The following URI1 variants were observed in gnomAD, a reference collection of about 807,000 sequenced individuals.
URI1 encodes URI1 prefoldin like chaperone.
A neutral mutation model predicts 60.2 loss-of-function variants in URI1; 39 were observed. The observed-to-expected ratio is 0.65, with a 90% CI of 0.50 to 0.85. The LOEUF is 0.85. URI1 is among the 40% of genes least tolerant of loss of function. The pLI, the probability that URI1 is intolerant of heterozygous loss-of-function variation, is 0.00. For synonymous variants in URI1, 251 were observed against 236.8 expected (o/e 1.06, Z -0.55); for missense variants, 691 against 665.9 (o/e 1.04, Z -0.42).
chr19:30,005,316 G>A lies in URI1; in HGVS notation c.368-45G>A, dbSNP rs764810012. ...TACAGTTAAAATATTCCTACAGGTC[G>A]TATATATGCCATGCTTTACATAATG... On this transcript the variant is annotated intron_variant, in intron 4 of 10. Transcript: ENST00000392271. 7.2e-6 allele frequency: 8 copies of A among 1,108,572 alleles called. No individual in the cohort carries two copies. In the East Asian group the frequency reaches 7.4e-5, roughly 10 times the overall value. 68.7% of individuals were successfully genotyped at this position (1,108,572 alleles called of 1,614,324 possible). A position where few individuals can be genotyped will look rare whatever the true frequency, so the allele number is the denominator to read the frequency against.
intron 2 of URI1, among the ~76,000 whole-genome samples, chr19:29,982,043 T>TTCC (rs2055604826): frequency 6.6e-6 from 1 of 152,196 alleles, no homozygotes; most frequent in Admixed American, 6.5e-5. Flanking sequence ...AGATCACTGT[T>TTCC]TGACTAAGCC....
At chr19:29,945,538 C>T (rs2055092869) in intron 1 of URI1, among the ~76,000 whole-genome samples, 1 of 152,236 alleles carries the variant, frequency 6.6e-6, no homozygotes, top group Non-Finnish European at 1.5e-5. Context: ...ATTGCTTTCA[C>T]TTACAGTCAA....
At chr19:29,993,324 A>G (rs1279079056) in intron 4 of URI1, among the ~76,000 whole-genome samples, 2 of 152,202 alleles carry the variant, frequency 1.3e-5, no homozygotes, top group African/African-American at 4.8e-5. Flanking sequence ...TGTTGACATA[A>G]TCAAGTAAGT....
At position 29,949,911 on chromosome 19, in the gene URI1, AGAGGGAGACTGTGGGGAGACGGGAGGGG is replaced by A. The variant is rs1599665216; in HGVS notation, c.117+7253_117+7280del. Reference sequence around the variant, plus strand: ...AGAGGGAGACCATGGAGACAGAGGGAGAGGGAGACTGTGGGGAGACGGGAGGGGGAGGGGGAGGGAGAGGTTACTTATT... The same window carrying A: ...AGAGGGAGACCATGGAGACAGAGGGAGAGGGGGAGGGAGAGGTTACTTATT... On this transcript the variant is annotated intron_variant, in intron 1 of 10. Transcript: ENST00000392271. Among the ~76,000 whole-genome samples, 4 of 148,614 alleles carry A rather than the reference AGAGGGAGACTGTGGGGAGACGGGAGGGG, an allele frequency of 2.7e-5. No homozygotes were observed. The East Asian group carries it at 8.3e-4, about 31-fold the overall frequency.
At chr19:29,979,249 A>G (rs932003534) in intron 2 of URI1, among the ~76,000 whole-genome samples, 17 of 152,176 alleles carry the variant, frequency 1.1e-4, no homozygotes, top group African/African-American at 4.1e-4. Flanking sequence ...ATAGGAATTT[A>G]TATTAGTTAT....
intron 7 of URI1, among the ~76,000 whole-genome samples, chr19:30,007,956 A>G (rs987759337): frequency 3.3e-5 from 5 of 152,142 alleles, no homozygotes; most frequent in African/African-American, 1.2e-4. Context: ...CATGGATTTA[A>G]TATATATAAT....
chr19:30,002,743 A>G (rs1054242141), intron 4 of URI1, among the ~76,000 whole-genome samples: 6 of 151,824 alleles, frequency 4.0e-5, no homozygotes, highest in African/African-American at 1.2e-4. Flanking sequence ...TTTCACAGCT[A>G]TTTCTTTGAT....
rs771115074 is a variant in URI1 at position 30,005,484 on chromosome 19, T to TA, written c.459+33dup. 2.0e-6 allele frequency: 3 copies of TA among 1,529,612 alleles called. 1 individual carries two copies. Among genetic ancestry groups the TA allele is most frequent in the South Asian group, 2.5e-5 (2 of 81,322 alleles). The allele number at this position is 1,529,612 out of a possible 1,614,324, so 94.8% of individuals were successfully genotyped here. On this transcript the variant is annotated intron_variant, in intron 5 of 10. Coordinates refer to ENST00000392271, the MANE Select transcript of URI1 (RefSeq NM_003796.3). ...ATTTGTTTTTAGTCTTCTATATTTT[T>TA]AGAAAATATTTTCAAAGAAATATGA... is the stretch of plus-strand genomic sequence containing the variant.
At chr19:29,973,545 A>G (rs942933911) in intron 2 of URI1, among the ~76,000 whole-genome samples, 2 of 152,150 alleles carry the variant, frequency 1.3e-5, no homozygotes, top group African/African-American at 2.4e-5. Context: ...GCTTGTTTGT[A>G]TAATTTTTAA....
At chr19:29,940,056 T>C (rs1032451425), upstream of URI1, among the ~76,000 whole-genome samples, 1 of 152,246 alleles carries the variant, frequency 6.6e-6, no homozygotes, top group Non-Finnish European at 1.5e-5. Flanking sequence ...TGTCTTTGGC[T>C]GCTCATGATA....
At chr19:29,993,036 T>G (rs1231856918) in intron 4 of URI1, among the ~76,000 whole-genome samples, 1 of 152,268 alleles carries the variant, frequency 6.6e-6, no homozygotes, top group Non-Finnish European at 1.5e-5. Flanking sequence ...TTTTACCGTG[T>G]GTCTTTTGTT....
chr19:29,942,945 A>G (rs1401283977), intron 1 of URI1, among the ~76,000 whole-genome samples: 1 of 152,234 alleles, frequency 6.6e-6, no homozygotes, highest in East Asian at 1.9e-4. Flanking sequence ...GCACGCTGTC[A>G]ACGGAAGCGT....
upstream of URI1, among the ~76,000 whole-genome samples, chr19:29,937,411 A>G (rs2054983108): frequency 6.6e-6 from 1 of 151,926 alleles, no homozygotes; most frequent in African/African-American, 2.4e-5. Context: ...AATAGGCTAT[A>G]CTTTCCTTTT....
chr19:29,973,952 A>G (rs947401001), intron 2 of URI1, among the ~76,000 whole-genome samples: 2 of 152,142 alleles, frequency 1.3e-5, no homozygotes, highest in South Asian at 2.1e-4. Flanking sequence ...TGAAATCCAC[A>G]CACTGTTACC....
At chr19:30,007,848 C>G (rs1322257697) in intron 7 of URI1, among the ~76,000 whole-genome samples, 2 of 152,020 alleles carry the variant, frequency 1.3e-5, no homozygotes, top group African/African-American at 4.8e-5. Flanking sequence ...TATTCCCATG[C>G]ATGTACATGT....
At chr19:29,934,519 A>T (rs2054951515) in intron 1 of URI1, among the ~76,000 whole-genome samples, 2 of 152,056 alleles carry the variant, frequency 1.3e-5, no homozygotes, top group Non-Finnish European at 2.9e-5. Context: ...ATGTGTACAC[A>T]CATGCTACTG....
intron 1 of URI1, chr19:29,956,305 T>TTTTA: frequency 1.5e-6 from 1 of 650,622 alleles, no homozygotes; most frequent in South Asian, 2.1e-5. Context: ...TTTTTTTTTT[T>TTTTA]AAGAAGGTCC....
intron 4 of URI1, among the ~76,000 whole-genome samples, chr19:29,996,470 A>G (rs162935): frequency 0.94 from 142,524 of 152,184 alleles, 66,829 homozygotes; most frequent in East Asian, 1. Flanking sequence ...TTAGCTTTAC[A>G]AGGGTGTTTT....
At chr19:30,012,674 A>T (rs2056038028) in intron 10 of URI1, 143 bp downstream of exon 10, 4 of 988,944 alleles carry the variant, frequency 4.0e-6, no homozygotes, top group Admixed American at 3.1e-5. Context: ...TAATAGTCAC[A>T]AACAGTACAA....
Sources: allele counts gnomAD v4.1 joint callset (sites outside exome capture counted in the v4.1 genomes callset), GRCh38; gene constraint gnomAD v4.1.1; transcripts MANE v1.5; gene names NCBI Gene and HGNC (gene_info 2026-07-23, HGNC 2026-07-21).